ZNF469: variants seen among roughly 807,000 people sequenced by gnomAD.
ZNF469 encodes the protein zinc finger protein 469.
Under a neutral mutation model 1.0 loss-of-function variants are expected in ZNF469, and 1 was observed. That is an observed-to-expected ratio of 1.00 (90% confidence interval 0.35 to 4.73). The LOEUF (loss-of-function observed/expected upper bound fraction) is 4.73. Ranked by LOEUF, ZNF469 falls within the 30% of genes most tolerant of loss-of-function variation. The pLI is 0.16. For synonymous variants in ZNF469, 2,703 were observed against 2,363.4 expected, an observed-to-expected ratio of 1.14 and a Z score of -4.17; for missense variants, 6,100 against 5,356.3, an observed-to-expected ratio of 1.14 and a Z score of -4.33.
chr16:88,381,626 A>G (rs375420081), upstream of ZNF469, among the ~76,000 whole-genome samples: 3 of 152,256 alleles, frequency 2.0e-5, no homozygotes, highest in African/African-American at 7.2e-5. Context: ...TTTTCCATGG[A>G]AAGGGAGATC....
chr16:88,189,482 G>A, the ZNF469 span, among the ~76,000 whole-genome samples: 1 of 152,212 alleles, frequency 6.6e-6, no homozygotes. The surrounding 1 kb of genome is among the most constrained non-coding windows in gnomAD (Gnocchi z 4.3). Flanking sequence ...CCTGGGACGT[G>A]CTCTCTAGAA....
At chr16:88,243,254 A>T in the ZNF469 span, among the ~76,000 whole-genome samples, 1 of 152,208 alleles carries the variant, frequency 6.6e-6, no homozygotes, top group Non-Finnish European at 1.5e-5. Flanking sequence ...CAGTGCTGAC[A>T]GATCCGTTCA....
the ZNF469 span, among the ~76,000 whole-genome samples, chr16:88,137,106 A>C: frequency 9.9e-5 from 15 of 152,206 alleles, no homozygotes; most frequent in African/African-American, 3.6e-4. Context: ...TGTGCAAGTC[A>C]TGTGTGCATA....
chr16:88,163,566 G>T, the ZNF469 span, among the ~76,000 whole-genome samples: 1 of 149,956 alleles, frequency 6.7e-6, no homozygotes, highest in East Asian at 2.0e-4. Flanking sequence ...GAGTGGGTGA[G>T]TGGATGAATA....
chr16:88,175,879 T>C, the ZNF469 span, among the ~76,000 whole-genome samples: 5 of 152,200 alleles, frequency 3.3e-5, no homozygotes, highest in African/African-American at 1.2e-4. Context: ...TCACTGGTCC[T>C]TTTAATTCTG....
chr16:88,320,923 G>C, the ZNF469 span, among the ~76,000 whole-genome samples: 1 of 152,252 alleles, frequency 6.6e-6, no homozygotes, highest in Non-Finnish European at 1.5e-5. Context: ...AGGAGTTCAG[G>C]ACGCAGATGC....
chr16:88,399,832 G>A (rs1232180049), intron 1 of ZNF469, among the ~76,000 whole-genome samples: 1 of 152,198 alleles, frequency 6.6e-6, no homozygotes, highest in African/African-American at 2.4e-5. Context: ...GTGGAGCCTG[G>A]GACAGCAGCC....
chr16:88,329,100 G>A, the ZNF469 span, among the ~76,000 whole-genome samples: 3 of 152,194 alleles, frequency 2.0e-5, no homozygotes, highest in South Asian at 2.1e-4. Flanking sequence ...TGTGCTGACC[G>A]GGAGCTCTGG....
At chr16:88,159,171 A>ACT in the ZNF469 span, among the ~76,000 whole-genome samples, 1 of 114,620 alleles carries the variant, frequency 8.7e-6, no homozygotes, top group Non-Finnish European at 2.0e-5. Context: ...TATGTGGACC[A>ACT]CTCACTGTCC....
At chr16:88,389,740 C>G (rs970389218) in intron 1 of ZNF469, among the ~76,000 whole-genome samples, 1 of 152,182 alleles carries the variant, frequency 6.6e-6, no homozygotes, top group South Asian at 2.1e-4. Flanking sequence ...CTCAGGATTC[C>G]CTGAGTAGGG....
the ZNF469 span, among the ~76,000 whole-genome samples, chr16:88,259,996 G>A: frequency 1.5e-4 from 23 of 149,860 alleles, no homozygotes; most frequent in African/African-American, 4.7e-4. The surrounding 1 kb of genome is among the most constrained non-coding windows in gnomAD (Gnocchi z 4.1). Context: ...TTTTTGTTTC[G>A]AGACAGAGTC....
chr16:88,432,621 C>G lies in ZNF469; in HGVS notation c.5151C>G (p.Pro1717=), dbSNP rs768346137. 211 of 1,550,446 alleles carry G rather than the reference C, an allele frequency of 1.4e-4. 2 individuals are homozygous for G. In the East Asian group the frequency reaches 3.4e-3, roughly 25 times the overall value. Residue 1717 remains proline, a synonymous_variant, in exon 3 of 3, where the codon CCC becomes CCG. Coordinates refer to ENST00000565624, the MANE Select transcript of ZNF469 (RefSeq NM_001367624.2). ...AGGCAGAAGGAGACAGCAGGCCCCCCCAAGATGTCTGCCTGCCTGAGCCCA... is the reference window on the plus strand; with the variant it reads ...AGGCAGAAGGAGACAGCAGGCCCCCGCAAGATGTCTGCCTGCCTGAGCCCA... ...LCQAEGDSRP[P]QDVCLPEPSK...
At chr16:88,287,147 T>A in the ZNF469 span, among the ~76,000 whole-genome samples, 7 of 152,220 alleles carry the variant, frequency 4.6e-5, no homozygotes, top group Non-Finnish European at 8.8e-5. Flanking sequence ...TTTCACCGAA[T>A]CTTCAGTTTC....
chr16:88,272,627 C>T, the ZNF469 span, among the ~76,000 whole-genome samples: 3 of 151,702 alleles, frequency 2.0e-5, no homozygotes, highest in African/African-American at 7.3e-5. Flanking sequence ...GATGAATGAA[C>T]AGGTGGGTAT....
the ZNF469 span, among the ~76,000 whole-genome samples, chr16:88,286,174 T>C: frequency 6.6e-6 from 1 of 152,256 alleles, no homozygotes; most frequent in Non-Finnish European, 1.5e-5. Context: ...CTGGGACGGA[T>C]GAGTTTCTCA....
the ZNF469 span, among the ~76,000 whole-genome samples, chr16:88,355,655 G>A: frequency 2.0e-5 from 3 of 152,218 alleles, no homozygotes; most frequent in Admixed American, 6.5e-5. Context: ...GGTGTTTCCA[G>A]GACCCGCAGG....
chr16:88,239,028 A>G, the ZNF469 span, among the ~76,000 whole-genome samples: 7 of 152,122 alleles, frequency 4.6e-5, no homozygotes, highest in Non-Finnish European at 8.8e-5. Context: ...TGTCTGATTC[A>G]TGGTAAAACG....
In ZNF469 at chr16:88,436,315, C is replaced by G. The variant is rs992507100; in HGVS notation, c.8845C>G (p.Pro2949Ala). ...GGATGGGTTCCTCAATAGCAGGGTGCCTGGCATTGACCCCTGGGCCCCCGG... is the reference window on the plus strand; with the variant it reads ...GGATGGGTTCCTCAATAGCAGGGTGGCTGGCATTGACCCCTGGGCCCCCGG... ...LLDGFLNSRVPGIDPWAPGLS... is the reference protein window; with the variant it reads ...LLDGFLNSRVAGIDPWAPGLS... Residue 2949 changes from proline (P) to alanine (A), a missense_variant, in exon 3 of 3, where the codon CCT becomes GCT. Coordinates refer to ENST00000565624, the MANE Select transcript of ZNF469 (RefSeq NM_001367624.2). 4.5e-5 allele frequency: 69 copies of G among 1,549,562 alleles called. No homozygotes were observed. The highest frequency in any genetic ancestry group is 5.9e-5 in the Non-Finnish European group (68 of 1,146,526).
the ZNF469 span, among the ~76,000 whole-genome samples, chr16:88,144,907 T>C: frequency 6.6e-6 from 1 of 151,640 alleles, no homozygotes; most frequent in South Asian, 2.1e-4. Context: ...TGGAGTGCAA[T>C]GGTGTGATCT....
Sources: gnomAD v4.1 joint callset for allele counts (sites outside exome capture counted in the v4.1 genomes callset) on GRCh38, gnomAD v4.1.1 for gene constraint, Gnocchi (gnomAD v3.1) non-coding constraint, MANE v1.5 for transcripts, NCBI Gene and HGNC (gene_info 2026-07-23, HGNC 2026-07-21) for gene names.